The following OPCML variants were observed in gnomAD, a reference collection of about 807,000 sequenced individuals.
OPCML encodes the protein opioid binding protein/cell adhesion molecule like, also known as opioid-binding protein/cell adhesion molecule.
In OPCML, 13 loss-of-function variants were observed where a neutral mutation model predicts 37.8. The ratio of observed to expected loss-of-function variants is 0.34; its 90% confidence interval spans 0.22 to 0.55. OPCML has a LOEUF of 0.55. Ranked by LOEUF, OPCML falls within the 20% of genes least tolerant of loss-of-function variation. The pLI, the probability that OPCML is intolerant of heterozygous loss-of-function variation, is 0.91. For missense variants in OPCML, 341 were observed against 435.6 expected (o/e 0.78, Z 1.93); for synonymous variants, 176 against 168.8 (o/e 1.04, Z -0.33).
At chr11:132,629,482 T>C (rs1939961089) in intron 3 of OPCML, among the ~76,000 whole-genome samples, 1 of 152,212 alleles carries the variant, frequency 6.6e-6, no homozygotes, top group African/African-American at 2.4e-5. Flanking sequence ...AGTGAGGTTT[T>C]ATCTGGATTA....
chr11:132,761,332 C>T (rs1413476107), intron 2 of OPCML, among the ~76,000 whole-genome samples: 4 of 144,082 alleles, frequency 2.8e-5, no homozygotes, highest in Non-Finnish European at 6.0e-5. Flanking sequence ...CTCTGTATTT[C>T]CTTAATGTGA....
chr11:132,482,062 C>A (rs1398163105), intron 4 of OPCML, among the ~76,000 whole-genome samples: 3 of 150,300 alleles, frequency 2.0e-5, no homozygotes, highest in African/African-American at 7.3e-5. Flanking sequence ...CAAGAAATAA[C>A]TAAAATCAGA....
chr11:132,886,058 A>G (rs1943401154), intron 2 of OPCML, among the ~76,000 whole-genome samples: 1 of 152,190 alleles, frequency 6.6e-6, no homozygotes, highest in Non-Finnish European at 1.5e-5. Flanking sequence ...TCTTTCCATA[A>G]TAAGTATAGG....
chr11:132,697,029 T>G (rs952375408), intron 2 of OPCML, among the ~76,000 whole-genome samples: 4 of 152,204 alleles, frequency 2.6e-5, no homozygotes, highest in Non-Finnish European at 5.9e-5. Context: ...AGGTCCTATA[T>G]AAAGGATTAG....
At chr11:132,518,276 C>A (rs1488991892) in intron 4 of OPCML, among the ~76,000 whole-genome samples, 2 of 152,068 alleles carry the variant, frequency 1.3e-5, no homozygotes, top group South Asian at 2.1e-4. Context: ...CTTCACTGTG[C>A]CCATGTATTC....
intron 1 of OPCML, among the ~76,000 whole-genome samples, chr11:133,141,884 C>T (rs1290670549): frequency 6.6e-6 from 1 of 152,214 alleles, no homozygotes; most frequent in Non-Finnish European, 1.5e-5. Context: ...TCTTCCTTCT[C>T]ACGCTCTGTC....
At chr11:132,645,184 CT>C (rs1296477350) in intron 3 of OPCML, among the ~76,000 whole-genome samples, 1 of 152,154 alleles carries the variant, frequency 6.6e-6, no homozygotes, top group Admixed American at 6.5e-5. Flanking sequence ...TTAAGGAATT[CT>C]TTTTAAGGTT....
chr11:133,241,487 GATTA>G (rs1940728851), intron 1 of OPCML, among the ~76,000 whole-genome samples: 2 of 152,322 alleles, frequency 1.3e-5, no homozygotes, highest in African/African-American at 4.8e-5. Context: ...CATATGGTCA[GATTA>G]ATTATGTAGG....
intron 1 of OPCML, among the ~76,000 whole-genome samples, chr11:133,220,136 G>A (rs571958): frequency 0.11 from 17,053 of 152,142 alleles, 1,006 homozygotes; most frequent in African/African-American, 0.16. Context: ...TTGGACACTG[G>A]CAGTGGAGGT....
At chr11:132,662,268 C>T (rs1459940056) in intron 2 of OPCML, among the ~76,000 whole-genome samples, 2 of 152,142 alleles carry the variant, frequency 1.3e-5, no homozygotes, top group African/African-American at 2.4e-5. Flanking sequence ...GGGACTCCTC[C>T]TGGAGAACCA....
chr11:133,415,612 G>A (rs1430296380), intron 1 of OPCML, among the ~76,000 whole-genome samples: 4 of 152,110 alleles, frequency 2.6e-5, no homozygotes, highest in African/African-American at 9.7e-5. Context: ...GCCTCTCAGA[G>A]GCATCTGTGC....
intron 1 of OPCML, among the ~76,000 whole-genome samples, chr11:133,220,758 C>G (rs1592116946): frequency 6.6e-6 from 1 of 152,074 alleles, no homozygotes; most frequent in African/African-American, 2.4e-5. Context: ...TTTCTGCCCC[C>G]TCTTCCATTT....
chr11:133,035,087 A>G (rs2136932501), intron 1 of OPCML, among the ~76,000 whole-genome samples: 1 of 152,312 alleles, frequency 6.6e-6, no homozygotes. Flanking sequence ...AGTAGCCTTT[A>G]ATAAGCATTA....
intron 1 of OPCML, among the ~76,000 whole-genome samples, chr11:132,991,227 C>T (rs1197422507): frequency 1.3e-5 from 2 of 152,148 alleles, no homozygotes; most frequent in African/African-American, 4.8e-5. Flanking sequence ...GTCAAGAGAA[C>T]AGGACATCAA....
intron 1 of OPCML, among the ~76,000 whole-genome samples, chr11:133,127,134 A>G (rs1949529499): frequency 6.6e-6 from 1 of 152,134 alleles, no homozygotes; most frequent in Non-Finnish European, 1.5e-5. Flanking sequence ...CTTTTGATCC[A>G]TCATCTTGTA....
chr11:132,942,900 GC>G (rs899591979), intron 2 of OPCML, 25 bp downstream of exon 2: 12 of 1,613,348 alleles, frequency 7.4e-6, no homozygotes, highest in Non-Finnish European at 9.3e-6. Flanking sequence ...CAGGGGCTCG[GC>G]CCCCGCGGAA....
intron 3 of OPCML, among the ~76,000 whole-genome samples, chr11:132,602,919 C>A (rs1484161605): frequency 1.3e-5 from 2 of 152,240 alleles, no homozygotes; most frequent in African/African-American, 4.8e-5. Context: ...TAGTGAGTTG[C>A]ATCATGGGGG....
Position 132,418,564 on chromosome 11 carries a change from G to A in OPCML, c.*1629C>T, listed in dbSNP as rs1365622181. 6.5e-6 allele frequency: 1 copy of A among 152,676 alleles called. No individual in the cohort carries two copies. Among genetic ancestry groups the A allele is most frequent in the Non-Finnish European group, 1.5e-5 (1 of 68,052 alleles). 9.5% of individuals were successfully genotyped at this position (152,676 alleles called of 1,614,324 possible). On this transcript the variant is annotated 3_prime_UTR_variant, in exon 8 of 8. Coordinates refer to ENST00000524381, the MANE Select transcript of OPCML (RefSeq NM_001012393.5). Reference sequence around the variant, plus strand: ...AATCAAGTGCTTGAAAATTAAGTCAGTTGCTCAAGTGCCCTCAGCTTAGAA... The same window carrying A: ...AATCAAGTGCTTGAAAATTAAGTCAATTGCTCAAGTGCCCTCAGCTTAGAA...
intron 1 of OPCML, among the ~76,000 whole-genome samples, chr11:133,322,851 T>C (rs1292182330): frequency 1.3e-5 from 2 of 152,206 alleles, no homozygotes; most frequent in African/African-American, 4.8e-5. Context: ...ATTAGCATGG[T>C]GCCAGACACA....
Sources: allele counts gnomAD v4.1 joint callset (sites outside exome capture counted in the v4.1 genomes callset), GRCh38; gene constraint gnomAD v4.1.1; transcripts MANE v1.5; gene names NCBI Gene and HGNC (gene_info 2026-07-23, HGNC 2026-07-21).